Variants in NDUFAF5 observed in about 807,000 individuals in gnomAD.
NDUFAF5 encodes arginine-hydroxylase NDUFAF5, mitochondrial.
NDUFAF5 carries 34 observed loss-of-function variants against 48.9 expected under a neutral mutation model. The observed-to-expected ratio is 0.70, with a 90% confidence interval of 0.53 to 0.93. The LOEUF is 0.93. Among genes scored for constraint, NDUFAF5 ranks in the 40% least tolerant of loss-of-function variants. The pLI, the probability that NDUFAF5 is intolerant of heterozygous loss-of-function variation, is 0.00. For missense variants in NDUFAF5, 428 were observed against 427.5 expected (o/e 1.00, Z -0.01); for synonymous variants, 153 against 150.6 (o/e 1.02, Z -0.12).
chr20:13,785,801 A>G (rs6110037), intron 1 of NDUFAF5, among the ~76,000 whole-genome samples: 54,091 of 152,136 alleles, frequency 0.36, 9,864 homozygotes, highest in Middle Eastern at 0.5. Context: ...TATTGATTAC[A>G]TGTTGCAGTG....
In NDUFAF5 at chr20:13,788,715, C is replaced by CTTTCCTA. The variant is rs553172656; in HGVS notation, c.327+64_327+70dup. 580 of 1,049,952 alleles carry CTTTCCTA rather than the reference C, an allele frequency of 5.5e-4. 4 individuals are homozygous for CTTTCCTA. The African/African-American group carries it at 8.3e-3, about 15-fold the overall frequency. The allele number at this position is 1,049,952 out of a possible 1,614,324, so 65.0% of individuals were successfully genotyped here. A position where few individuals can be genotyped will look rare whatever the true frequency, so the allele number is the denominator to read the frequency against. On this transcript the variant is annotated intron_variant, in intron 3 of 10. Coordinates refer to ENST00000378106, the MANE Select transcript of NDUFAF5 (RefSeq NM_024120.5). ...AACATTGGCTAATTTTAAAGAAAGA[C>CTTTCCTA]TTTCCTAATCAGTTTAGCTTGCAAC...
rs1986771321 is a variant in NDUFAF5 at position 13,818,650 on chromosome 20, T to C, written c.*1440T>C. ...AGAGGAGACCTCATCTAAAGAAAAA[T>C]CCACCAAAAACCCTGTGTTTTAAAG... On this transcript the variant is annotated 3_prime_UTR_variant, in exon 11 of 11. Transcript: ENST00000378106. 1 of 175,364 alleles carries C rather than the reference T, an allele frequency of 5.7e-6. No individual in the cohort carries two copies. The highest frequency in any genetic ancestry group is 2.4e-5 in the African/African-American group (1 of 41,574). The allele number at this position is 175,364 out of a possible 1,614,324, so 10.9% of individuals were successfully genotyped here. A position where few individuals can be genotyped will look rare whatever the true frequency, so the allele number is the denominator to read the frequency against.
At chr20:13,789,981 C>T (rs186909844) in intron 3 of NDUFAF5, among the ~76,000 whole-genome samples, 34 of 152,200 alleles carry the variant, frequency 2.2e-4, no homozygotes, top group African/African-American at 7.9e-4. Context: ...TCTCAGGGGG[C>T]ACAGAATCTG....
intron 8 of NDUFAF5, among the ~76,000 whole-genome samples, chr20:13,812,022 T>C (rs1985931248): frequency 6.6e-6 from 1 of 152,216 alleles, no homozygotes; most frequent in Admixed American, 6.5e-5. Flanking sequence ...TTGTTCTTGC[T>C]TGCTTAAGTT....
chr20:13,815,767 A>C (rs989707068), intron 8 of NDUFAF5, among the ~76,000 whole-genome samples: 1 of 152,218 alleles, frequency 6.6e-6, no homozygotes, highest in Non-Finnish European at 1.5e-5. Context: ...AAATATGCTC[A>C]AAGTAAATTT....
Position 13,819,529 on chromosome 20 carries a change from T to G in NDUFAF5, c.*2319T>G, listed in dbSNP as rs1323764313. The G allele has an allele frequency of 6.6e-6, 1 of 152,102 alleles. No homozygotes were observed. The highest frequency in any genetic ancestry group is 2.4e-5 in the African/African-American group (1 of 41,430). The allele number at this position is 152,102 out of a possible 1,614,324, so 9.4% of individuals were successfully genotyped here. A position where few individuals can be genotyped will look rare whatever the true frequency, so the allele number is the denominator to read the frequency against. The stretch of plus-strand genomic sequence containing the variant: ...GGATTACAGGCGCGTGCCACCACGC[T>G]GGCTAATTTTTGTATTTTTAATAGA... On this transcript the variant is annotated 3_prime_UTR_variant, in exon 11 of 11. Transcript: ENST00000378106.
At chr20:13,804,684 A>T (rs1256567026) in intron 7 of NDUFAF5, among the ~76,000 whole-genome samples, 1 of 152,220 alleles carries the variant, frequency 6.6e-6, no homozygotes, top group Non-Finnish European at 1.5e-5. Flanking sequence ...GCTGCAGTGA[A>T]TATCCTTCTA....
chr20:13,794,788 T>G, intron 4 of NDUFAF5, 50 bp from the exon 5 acceptor site: 3 of 1,094,656 alleles, frequency 2.7e-6, no homozygotes, highest in Non-Finnish European at 4.2e-6. Context: ...GTGTTAGTAA[T>G]TGAGATTCTA....
chr20:13,807,975 A>G (rs1985316827), intron 7 of NDUFAF5, among the ~76,000 whole-genome samples: 1 of 151,958 alleles, frequency 6.6e-6, no homozygotes, highest in South Asian at 2.1e-4. Context: ...ATTTTAGGCT[A>G]GTTTCCAATA....
At chr20:13,793,464 C>A (rs560193638) in intron 4 of NDUFAF5, among the ~76,000 whole-genome samples, 1 of 152,206 alleles carries the variant, frequency 6.6e-6, no homozygotes, top group East Asian at 1.9e-4. Flanking sequence ...CTGTCCCCGC[C>A]CCCCCAACAC....
chr20:13,787,280 C>A, intron 1 of NDUFAF5, 32 bp from the exon 2 acceptor site: 1 of 1,612,438 alleles, frequency 6.2e-7, no homozygotes, highest in Non-Finnish European at 8.5e-7. Flanking sequence ...GTGTTACTTC[C>A]CCGTTAACCT....
intron 7 of NDUFAF5, chr20:13,801,937 C>T: frequency 4.8e-6 from 2 of 417,924 alleles, no homozygotes; most frequent in South Asian, 2.8e-5. Flanking sequence ...TCATAGTTAA[C>T]AAGACAAATT....
At chr20:13,801,386 G>A in intron 6 of NDUFAF5, 100 bp from the exon 7 acceptor site, 1 of 680,666 alleles carries the variant, frequency 1.5e-6, no homozygotes. Flanking sequence ...CAGAATAAAA[G>A]TGGTTGTCAT....
chr20:13,804,251 C>A (rs149455989), intron 7 of NDUFAF5, among the ~76,000 whole-genome samples: 1 of 151,986 alleles, frequency 6.6e-6, no homozygotes, highest in Non-Finnish European at 1.5e-5. Context: ...AATAACCCAT[C>A]GTAGAATAAG....
rs1250945633 is a variant in NDUFAF5 at position 13,817,115 on chromosome 20, C to T, written c.946-3C>T. 5.0e-6 allele frequency: 8 copies of T among 1,612,840 alleles called. No homozygotes were observed. The highest frequency in any genetic ancestry group is 2.7e-5 in the African/African-American group (2 of 74,842). On this transcript the variant is annotated splice_polypyrimidine_tract_variant and splice_region_variant and intron_variant, in intron 10 of 10. Transcript: ENST00000378106. Reference sequence around the variant, plus strand: ...TAATATCTTTAATCTTTATTATTTTCAGGCAAGACCAGCTGAAAGAGGTTC... The same window carrying T: ...TAATATCTTTAATCTTTATTATTTTTAGGCAAGACCAGCTGAAAGAGGTTC...
At position 13,818,126 on chromosome 20, in the gene NDUFAF5, C is replaced by T; in HGVS notation, c.*916C>T. ...TTCCTTCTGTCTCCTCTCAGTCTCT[C>T]TTCTGCCTTCCTTCCCTCCTTTACT... On this transcript the variant is annotated 3_prime_UTR_variant, in exon 11 of 11. Coordinates refer to ENST00000378106, the MANE Select transcript of NDUFAF5 (RefSeq NM_024120.5). 1 of 454,116 alleles carries T rather than the reference C, an allele frequency of 2.2e-6. No homozygotes were observed. Among genetic ancestry groups the T allele is most frequent in the Admixed American group, 2.3e-5 (1 of 42,570 alleles). The allele number at this position is 454,116 out of a possible 1,614,324, so 28.1% of individuals were successfully genotyped here. A position where few individuals can be genotyped will look rare whatever the true frequency, so the allele number is the denominator to read the frequency against.
chr20:13,817,396 A>G lies in NDUFAF5; in HGVS notation c.*186A>G, dbSNP rs372127376. On this transcript the variant is annotated 3_prime_UTR_variant, in exon 11 of 11. Coordinates refer to ENST00000378106, the MANE Select transcript of NDUFAF5 (RefSeq NM_024120.5). ...TCAGTTTCATATTGTTTCTGTTCTCATAAGGATACTGCTGAGTGTCTTTGC... is the reference window on the plus strand; with the variant it reads ...TCAGTTTCATATTGTTTCTGTTCTCGTAAGGATACTGCTGAGTGTCTTTGC... 1.4e-6 allele frequency: 1 copy of G among 692,844 alleles called. No individual in the cohort carries two copies. Among genetic ancestry groups the G allele is most frequent in the Non-Finnish European group, 2.6e-6 (1 of 379,784 alleles). The allele number at this position is 692,844 out of a possible 1,614,324, so 42.9% of individuals were successfully genotyped here.
chr20:13,807,024 G>A (rs962134454), intron 7 of NDUFAF5, among the ~76,000 whole-genome samples: 6 of 150,832 alleles, frequency 4.0e-5, no homozygotes, highest in Admixed American at 6.7e-5. Context: ...TGGGACCAAG[G>A]GCATGTGCCA....
intron 5 of NDUFAF5, among the ~76,000 whole-genome samples, chr20:13,796,396 G>A (rs948003683): frequency 6.6e-6 from 1 of 152,136 alleles, no homozygotes; most frequent in African/African-American, 2.4e-5. Context: ...TCATCTGCTT[G>A]CTATTTGCAG....
Sources: gnomAD v4.1 joint callset for allele counts (sites outside exome capture counted in the v4.1 genomes callset) on GRCh38, gnomAD v4.1.1 for gene constraint, MANE v1.5 for transcripts, NCBI Gene and HGNC (gene_info 2026-07-23, HGNC 2026-07-21) for gene names.